WDPCP: variants seen among roughly 807,000 people sequenced by gnomAD.
The protein encoded by WDPCP is WD repeat-containing and planar cell polarity effector protein fritz homolog.
In WDPCP, 71 loss-of-function variants were observed where a neutral mutation model predicts 93.1. That is an observed-to-expected ratio of 0.76 (90% confidence interval 0.63 to 0.93). The LOEUF (loss-of-function observed/expected upper bound fraction) is 0.93. Ranked by LOEUF, WDPCP falls within the 40% of genes least tolerant of loss-of-function variation. WDPCP has a pLI of 0.00. For synonymous variants in WDPCP, 315 were observed against 315.0 expected (o/e 1.00, Z 0.00); for missense variants, 844 against 887.4 (o/e 0.95, Z 0.62).
intron 14 of WDPCP, among the ~76,000 whole-genome samples, chr2:63,241,674 C>A (rs535927613): frequency 1.4e-4 from 22 of 152,252 alleles, no homozygotes; most frequent in Admixed American, 2.6e-4. Flanking sequence ...TCATAACTCC[C>A]TGTGACCTCA....
rs146916150 is a variant in WDPCP at position 63,146,433 on chromosome 2, C to G, written c.2190+6481G>C. Among the ~76,000 whole-genome samples, 681 of 132,496 alleles carry G rather than the reference C, an allele frequency of 5.1e-3. 4 individuals carry two copies. Among genetic ancestry groups the G allele is most frequent in the Non-Finnish European group, 8.8e-3 (569 of 64,314 alleles). The allele number at this position is 132,496 out of a possible 152,430, so 86.9% of individuals were successfully genotyped here. On this transcript the variant is annotated intron_variant, in intron 17 of 17. Coordinates refer to ENST00000272321, the MANE Select transcript of WDPCP (RefSeq NM_015910.7). ...TTTTTTTTTTTTTTTTTGACAGAGT[C>G]TTGCTGTATTGCCCAGGCTGGAGTG... is the stretch of plus-strand genomic sequence containing the variant.
At chr2:63,604,933 G>C in intron 3 of WDPCP, 1 of 1,554,544 alleles carries the variant, frequency 6.4e-7, no homozygotes. Context: ...GAGACTCTTA[G>C]GACAGAAAAC....
intron 2 of WDPCP, among the ~76,000 whole-genome samples, chr2:63,492,261 G>A (rs1209507253): frequency 2.6e-5 from 4 of 151,778 alleles, no homozygotes; most frequent in Admixed American, 6.6e-5. Context: ...ACACTGTATC[G>A]TATGTTAATA....
At chr2:63,218,341 T>C (rs1204889683) in intron 14 of WDPCP, among the ~76,000 whole-genome samples, 1 of 152,144 alleles carries the variant, frequency 6.6e-6, no homozygotes, top group Non-Finnish European at 1.5e-5. Context: ...GAAGGGATAT[T>C]AGCACTATTA....
intron 17 of WDPCP, among the ~76,000 whole-genome samples, chr2:63,147,506 T>C (rs779463767): frequency 1.3e-5 from 2 of 152,182 alleles, no homozygotes; most frequent in Non-Finnish European, 2.9e-5. Flanking sequence ...GGGAAAATGA[T>C]GAGTTTAGTT....
chr2:63,326,111 T>TA (rs1014028909), intron 12 of WDPCP, among the ~76,000 whole-genome samples: 12 of 152,302 alleles, frequency 7.9e-5, no homozygotes, highest in Non-Finnish European at 1.6e-4. Flanking sequence ...TACTAGGTGC[T>TA]AAAAAAAGTT....
At chr2:63,462,320 G>A (rs1244166083) in intron 6 of WDPCP, among the ~76,000 whole-genome samples, 1 of 152,062 alleles carries the variant, frequency 6.6e-6, no homozygotes, top group Non-Finnish European at 1.5e-5. Flanking sequence ...TGGACACAGG[G>A]TGGGGAACAT....
At chr2:63,150,206 G>GT (rs1168094923) in intron 17 of WDPCP, among the ~76,000 whole-genome samples, 2 of 152,100 alleles carry the variant, frequency 1.3e-5, no homozygotes, top group African/African-American at 2.4e-5. Flanking sequence ...TTTTTATTTT[G>GT]TTTTCTGGCT....
chr2:63,249,851 C>T (rs535538962), intron 14 of WDPCP, among the ~76,000 whole-genome samples: 1 of 152,172 alleles, frequency 6.6e-6, no homozygotes, highest in African/African-American at 2.4e-5. Flanking sequence ...CTGTTTGTGT[C>T]TTTCACCTGC....
At chr2:63,630,180 C>T (rs1709850773) in intron 3 of WDPCP, among the ~76,000 whole-genome samples, 2 of 151,866 alleles carry the variant, frequency 1.3e-5, no homozygotes, top group East Asian at 1.9e-4. Context: ...AATTCACAAA[C>T]GTATTCAAGT....
chr2:63,121,790 T>C lies in WDPCP; in HGVS notation c.*216A>G. On this transcript the variant is annotated 3_prime_UTR_variant, in exon 18 of 18. Coordinates refer to ENST00000272321, the MANE Select transcript of WDPCP (RefSeq NM_015910.7). The stretch of plus-strand genomic sequence containing the variant: ...TTTTACATTATTGAAAATAAGTAGG[T>C]TGAAGACTTTTACTTACGATCACTT... 1.6e-6 allele frequency: 2 copies of C among 1,230,990 alleles called. No individual in the cohort carries two copies. Among genetic ancestry groups the C allele is most frequent in the Non-Finnish European group, 2.1e-6 (2 of 935,016 alleles). 76.3% of individuals were successfully genotyped at this position (1,230,990 alleles called of 1,614,324 possible).
At chr2:63,656,406 T>C (rs1451515080) in intron 2 of WDPCP, among the ~76,000 whole-genome samples, 1 of 152,188 alleles carries the variant, frequency 6.6e-6, no homozygotes, top group Non-Finnish European at 1.5e-5. Context: ...TCATGGAGAA[T>C]GGCTGGCATT....
intron 3 of WDPCP, chr2:63,595,387 C>T (rs200873580): frequency 7.9e-7 from 1 of 1,261,972 alleles, no homozygotes; most frequent in Admixed American, 1.7e-5. Flanking sequence ...AATGAAATAG[C>T]CTACACTAAC....
chr2:63,194,162 C>G (rs983486439), intron 14 of WDPCP, among the ~76,000 whole-genome samples: 1 of 152,006 alleles, frequency 6.6e-6, no homozygotes, highest in Non-Finnish European at 1.5e-5. Flanking sequence ...ACTTTGTTGT[C>G]CTTCCAAATA....
chr2:63,458,324 A>G (rs926343629), intron 6 of WDPCP, among the ~76,000 whole-genome samples: 8 of 152,054 alleles, frequency 5.3e-5, no homozygotes, highest in Non-Finnish European at 8.8e-5. Context: ...TAGAAAAACC[A>G]AAAGACTCCA....
At chr2:63,133,303 C>T (rs1670408187) in intron 17 of WDPCP, among the ~76,000 whole-genome samples, 1 of 152,202 alleles carries the variant, frequency 6.6e-6, no homozygotes, top group Non-Finnish European at 1.5e-5. Flanking sequence ...ACTGCTTCTC[C>T]TCATCTGAGA....
chr2:63,125,133 A>G (rs908280253), intron 17 of WDPCP, among the ~76,000 whole-genome samples: 8 of 152,336 alleles, frequency 5.3e-5, no homozygotes, highest in Middle Eastern at 3.4e-3. Flanking sequence ...TTTCATCAAC[A>G]TGGCAGAGTT....
chr2:63,429,428 T>C (rs1272784170), intron 9 of WDPCP, among the ~76,000 whole-genome samples: 4 of 152,106 alleles, frequency 2.6e-5, no homozygotes, highest in Admixed American at 2.6e-4. Flanking sequence ...GAGAAAATAT[T>C]TGTAAACTGT....
intron 1 of WDPCP, among the ~76,000 whole-genome samples, chr2:63,516,581 G>A (rs533985917): frequency 3.9e-5 from 6 of 152,176 alleles, no homozygotes; most frequent in African/African-American, 1.4e-4. Context: ...TGAAGAGGAG[G>A]GGATGCTGGA....
Sources: allele counts gnomAD v4.1 joint callset (sites outside exome capture counted in the v4.1 genomes callset), GRCh38; gene constraint gnomAD v4.1.1; transcripts MANE v1.5; gene names NCBI Gene and HGNC (gene_info 2026-07-23, HGNC 2026-07-21).